The following AGBL4 variants were observed in gnomAD, a reference collection of about 807,000 sequenced individuals.
AGBL4 encodes the protein AGBL carboxypeptidase 4.
In AGBL4, 58 loss-of-function variants were observed where a neutral mutation model predicts 66.4. The ratio of observed to expected loss-of-function variants is 0.87; its 90% CI spans 0.71 to 1.09. The LOEUF (loss-of-function observed/expected upper bound fraction) is 1.09. Ranked by LOEUF, AGBL4 falls within the 50% of genes least tolerant of loss-of-function variation. The pLI is 0.00. For missense variants in AGBL4, 579 were observed against 631.0 expected (o/e 0.92, Z 0.88); for synonymous variants, 234 against 222.9 (o/e 1.05, Z -0.44).
At chr1:49,260,028 G>T (rs1266124483) in intron 3 of AGBL4, among the ~76,000 whole-genome samples, 1 of 151,512 alleles carries the variant, frequency 6.6e-6, no homozygotes, top group East Asian at 1.9e-4. Flanking sequence ...CAACTACATG[G>T]AAACTGAACA....
At chr1:49,921,289 C>G (rs1177023180) in intron 1 of AGBL4, among the ~76,000 whole-genome samples, 3 of 150,916 alleles carry the variant, frequency 2.0e-5, no homozygotes, top group Non-Finnish European at 4.4e-5. Flanking sequence ...TTGGGTTAAA[C>G]AAATTAAAAA....
chr1:48,653,234 A>T (rs946690248), intron 8 of AGBL4, 103 bp downstream of exon 8: 3 of 870,810 alleles, frequency 3.4e-6, no homozygotes, highest in Non-Finnish European at 5.3e-6. Context: ...ACTCATGGGC[A>T]GCCTCAAAAT....
intron 5 of AGBL4, among the ~76,000 whole-genome samples, chr1:48,921,716 T>C (rs527372314): frequency 6.6e-6 from 1 of 152,326 alleles, no homozygotes; most frequent in Non-Finnish European, 1.5e-5. Flanking sequence ...GAGGAGCAGA[T>C]GGAGCCTCAA....
intron 3 of AGBL4, among the ~76,000 whole-genome samples, chr1:49,539,323 T>C (rs1651833923): frequency 6.6e-6 from 1 of 152,248 alleles, no homozygotes; most frequent in Admixed American, 6.5e-5. Context: ...TGATTTTTTC[T>C]ACAATATATA....
intron 2 of AGBL4, among the ~76,000 whole-genome samples, chr1:49,759,729 G>A (rs566867499): frequency 2.6e-5 from 4 of 152,174 alleles, no homozygotes; most frequent in East Asian, 1.9e-4. Flanking sequence ...ACAGATGAAC[G>A]GATAAACAAA....
intron 3 of AGBL4, among the ~76,000 whole-genome samples, chr1:49,562,211 C>A (rs997078330): frequency 6.6e-6 from 1 of 152,036 alleles, no homozygotes; most frequent in Non-Finnish European, 1.5e-5. Flanking sequence ...GATATTAGCC[C>A]TCTGTCAGAT....
chr1:49,479,817 T>G (rs560498876), intron 3 of AGBL4, among the ~76,000 whole-genome samples: 6 of 150,992 alleles, frequency 4.0e-5, no homozygotes, highest in Non-Finnish European at 8.9e-5. Context: ...TTCTCCTGCC[T>G]CAGCCTCCCA....
chr1:49,948,025 T>TC (rs1209583368), intron 1 of AGBL4, among the ~76,000 whole-genome samples: 1 of 65,360 alleles, frequency 1.5e-5, no homozygotes, highest in Non-Finnish European at 2.5e-5. Flanking sequence ...TAAATATATA[T>TC]AAATATATAT....
chr1:49,376,573 C>T (rs1644476171), intron 3 of AGBL4, among the ~76,000 whole-genome samples: 1 of 152,056 alleles, frequency 6.6e-6, no homozygotes, highest in Admixed American at 6.6e-5. Flanking sequence ...GCTCCTTCAT[C>T]CCTGATGATT....
At chr1:49,071,157 G>A (rs891478226) in intron 4 of AGBL4, among the ~76,000 whole-genome samples, 2 of 151,856 alleles carry the variant, frequency 1.3e-5, no homozygotes, top group East Asian at 1.9e-4. Context: ...AGTCTGGCTT[G>A]TGGCCTATCT....
intron 2 of AGBL4, chr1:49,844,920 G>C: frequency 7.3e-7 from 1 of 1,367,366 alleles, no homozygotes; most frequent in South Asian, 1.2e-5. Context: ...AGTGACAGAG[G>C]AATGGGTTTG....
chr1:49,164,451 T>A (rs2148147598), intron 4 of AGBL4, among the ~76,000 whole-genome samples: 1 of 152,252 alleles, frequency 6.6e-6, no homozygotes, highest in African/African-American at 2.4e-5. Flanking sequence ...TTTACAGAGC[T>A]TTTTTAGCCC....
intron 4 of AGBL4, among the ~76,000 whole-genome samples, chr1:49,141,392 C>T (rs1646115046): frequency 6.6e-6 from 1 of 152,124 alleles, no homozygotes; most frequent in Non-Finnish European, 1.5e-5. Flanking sequence ...ATTGCTAACA[C>T]ATGTCAGGCC....
chr1:49,234,665 C>T (rs1650579350), intron 4 of AGBL4, among the ~76,000 whole-genome samples: 1 of 152,076 alleles, frequency 6.6e-6, no homozygotes, highest in African/African-American at 2.4e-5. Flanking sequence ...CTCCCTAAGT[C>T]TTCATTTCTC....
intron 4 of AGBL4, among the ~76,000 whole-genome samples, chr1:49,160,416 G>T (rs1175358665): frequency 6.6e-6 from 1 of 152,150 alleles, no homozygotes; most frequent in Admixed American, 6.5e-5. Context: ...AAATATTGCT[G>T]CCTGATCCTT....
At chr1:49,881,963 G>A (rs1283990167) in intron 1 of AGBL4, among the ~76,000 whole-genome samples, 53 of 152,148 alleles carry the variant, frequency 3.5e-4, no homozygotes, top group Admixed American at 9.2e-4. Flanking sequence ...GTCCTTGCCT[G>A]TGCCTATGTC....
intron 3 of AGBL4, among the ~76,000 whole-genome samples, chr1:49,365,007 C>T (rs969241149): frequency 2.6e-5 from 4 of 152,048 alleles, no homozygotes; most frequent in South Asian, 2.1e-4. Context: ...TATATATAAA[C>T]GATAAGTATA....
intron 3 of AGBL4, among the ~76,000 whole-genome samples, chr1:49,262,367 C>T (rs1287352006): frequency 2.6e-5 from 4 of 152,190 alleles, no homozygotes; most frequent in Non-Finnish European, 1.5e-5. Context: ...AGTGAACAGG[C>T]AACCTACAAA....
At chr1:49,496,707 T>A (rs1647614650) in intron 3 of AGBL4, among the ~76,000 whole-genome samples, 1 of 152,046 alleles carries the variant, frequency 6.6e-6, no homozygotes, top group Non-Finnish European at 1.5e-5. Flanking sequence ...CAGGATTTCC[T>A]TTTTTAAGGC....
Sources: allele counts gnomAD v4.1 joint callset (sites outside exome capture counted in the v4.1 genomes callset), GRCh38; gene constraint gnomAD v4.1.1; transcripts MANE v1.5; gene names NCBI Gene and HGNC (gene_info 2026-07-23, HGNC 2026-07-21).